FBXL2: variants seen among roughly 807,000 people sequenced by gnomAD.
FBXL2 encodes F-box and leucine rich repeat protein 2, also known as F-box/LRR-repeat protein 2.
A neutral mutation model predicts 69.2 loss-of-function variants in FBXL2; 38 were observed. The observed-to-expected ratio is 0.55, with a 90% CI of 0.42 to 0.72. The LOEUF (loss-of-function observed/expected upper bound fraction) is 0.72, where lower values mean the gene tolerates loss of function less well. FBXL2 is among the 30% of genes least tolerant of loss of function. The pLI is 0.00. For synonymous variants in FBXL2, 192 were observed against 201.3 expected (o/e 0.95, Z 0.39); for missense variants, 354 against 520.3 (o/e 0.68, Z 3.11).
chr3:33,342,960 T>G (rs1255008462), intron 2 of FBXL2, among the ~76,000 whole-genome samples: 1 of 147,762 alleles, frequency 6.8e-6, no homozygotes, highest in Non-Finnish European at 1.5e-5. Flanking sequence ...CAGGATGGTC[T>G]CCATCTCCTG....
intron 2 of FBXL2, among the ~76,000 whole-genome samples, chr3:33,342,448 CAT>C (rs2125860170): frequency 6.6e-6 from 1 of 151,504 alleles, no homozygotes; most frequent in African/African-American, 2.4e-5. Flanking sequence ...TTTTCACTCT[CAT>C]AAGTCATTTT....
intron 1 of FBXL2, chr3:33,289,834 G>C (rs2035043632): frequency 2.1e-6 from 2 of 973,482 alleles, no homozygotes; most frequent in South Asian, 4.8e-5. Flanking sequence ...CAGGGCAGGA[G>C]AGTTAAGAGA....
At chr3:33,335,677 A>G (rs1363251438) in intron 2 of FBXL2, among the ~76,000 whole-genome samples, 1 of 152,254 alleles carries the variant, frequency 6.6e-6, no homozygotes, top group South Asian at 2.1e-4. Flanking sequence ...AATATGCATA[A>G]ATATTTAATT....
intron 11 of FBXL2, among the ~76,000 whole-genome samples, chr3:33,377,569 C>G (rs1033005775): frequency 6.6e-6 from 1 of 152,176 alleles, no homozygotes; most frequent in African/African-American, 2.4e-5. Flanking sequence ...GGACCAGCCT[C>G]CTCCTGGCAG....
chr3:33,360,476 C>T (rs1301156295), intron 4 of FBXL2, among the ~76,000 whole-genome samples: 1 of 152,044 alleles, frequency 6.6e-6, no homozygotes, highest in African/African-American at 2.4e-5. Context: ...AGGGGGAAAC[C>T]CCTTATTTCT....
intron 2 of FBXL2, among the ~76,000 whole-genome samples, chr3:33,343,041 A>G (rs1046618112): frequency 8.6e-5 from 13 of 151,474 alleles, no homozygotes; most frequent in Admixed American, 6.6e-4. Flanking sequence ...TGCCCGGCCA[A>G]CAAATATAAC....
At chr3:33,333,492 T>C (rs535569872) in intron 2 of FBXL2, among the ~76,000 whole-genome samples, 49 of 152,368 alleles carry the variant, frequency 3.2e-4, no homozygotes, top group African/African-American at 1.0e-3. Flanking sequence ...TGAAAGACTT[T>C]TGCTCCCATG....
intron 12 of FBXL2, among the ~76,000 whole-genome samples, chr3:33,395,849 C>CAA (rs1185296193): frequency 1.3e-4 from 14 of 105,890 alleles, no homozygotes; most frequent in African/African-American, 3.9e-4. Context: ...TAAATCTGAC[C>CAA]AAAAAAAAAA....
chr3:33,378,735 A>G lies in FBXL2; in HGVS notation c.945A>G (p.Gln315=), dbSNP rs184294627. The G allele has an allele frequency of 7.4e-6, 12 of 1,614,092 alleles. No individual in the cohort carries two copies. The East Asian group carries it at 2.7e-4, about 36-fold the overall frequency. ...TCTCCATTCACTGTCCTAAACTGCAAGCCCTGGTGAGTCTGAGTTTTTCTG... is the reference window on the plus strand; with the variant it reads ...TCTCCATTCACTGTCCTAAACTGCAGGCCCTGGTGAGTCTGAGTTTTTCTG... ...IQLSIHCPKL[Q]ALSLSHCELI... The change falls in exon 13 of 15, where the codon CAA becomes CAG. Residue 315 remains glutamine, a synonymous_variant. Transcript: ENST00000484457.
In FBXL2 at chr3:33,373,938, T is replaced by A. The variant is rs2042464643; in HGVS notation, c.657+17T>A. 6.2e-7 allele frequency: 1 copy of A among 1,613,066 alleles called. No homozygotes were observed. The highest frequency in any genetic ancestry group is 1.7e-5 in the Admixed American group (1 of 60,022). On this transcript the variant is annotated intron_variant, in intron 9 of 14. Coordinates refer to ENST00000484457, the MANE Select transcript of FBXL2 (RefSeq NM_012157.5). ...TCCTGCTCAGTAAGTAGCGTGCCTTTCCTGAACACTGTTTGCTCTATCTTG... is the reference window on the plus strand; with the variant it reads ...TCCTGCTCAGTAAGTAGCGTGCCTTACCTGAACACTGTTTGCTCTATCTTG...
chr3:33,277,507 T>C lies in FBXL2; in HGVS notation c.-6T>C, dbSNP rs1289384112. 1 of 1,301,652 alleles carries C rather than the reference T, an allele frequency of 7.7e-7. No homozygotes were observed. Among genetic ancestry groups the C allele is most frequent in the Non-Finnish European group, 9.8e-7 (1 of 1,016,102 alleles). The allele number at this position is 1,301,652 out of a possible 1,614,324, so 80.6% of individuals were successfully genotyped here. A position where few individuals can be genotyped will look rare whatever the true frequency, so the allele number is the denominator to read the frequency against. On this transcript the variant is annotated 5_prime_UTR_variant, in exon 1 of 15. Transcript: ENST00000484457. The stretch of plus-strand genomic sequence containing the variant: ...GGGCTGTGGGCTCGCTCGCGGCTCT[T>C]CGGCCATGGTGAGTCTGGGACCCGC...
At chr3:33,315,850 T>A (rs988686034) in intron 2 of FBXL2, among the ~76,000 whole-genome samples, 1 of 152,142 alleles carries the variant, frequency 6.6e-6, no homozygotes, top group Non-Finnish European at 1.5e-5. Context: ...CTTTTAAAAC[T>A]TTGCATGGGA....
intron 2 of FBXL2, among the ~76,000 whole-genome samples, chr3:33,339,274 A>C (rs2039829840): frequency 6.6e-6 from 1 of 152,198 alleles, no homozygotes; most frequent in African/African-American, 2.4e-5. Context: ...AAATTCAAAA[A>C]ACAGATGCTG....
At chr3:33,373,739 T>C in intron 8 of FBXL2, 35 bp downstream of exon 8, 2 of 1,614,128 alleles carry the variant, frequency 1.2e-6, no homozygotes, top group Non-Finnish European at 1.7e-6. Flanking sequence ...TTGTGTTATG[T>C]GTCAGGTGTG....
intron 11 of FBXL2, 123 bp from the exon 12 acceptor site, chr3:33,377,980 G>T: frequency 2.2e-6 from 2 of 905,286 alleles, no homozygotes; most frequent in South Asian, 1.4e-5. Context: ...TTTAGGAAGA[G>T]GGCATACTTC....
chr3:33,395,750 G>GAAA (rs61654235), intron 12 of FBXL2, among the ~76,000 whole-genome samples: 925 of 69,718 alleles, frequency 0.013, 13 homozygotes, highest in Admixed American at 0.029. Flanking sequence ...CAGGAAAATT[G>GAAA]AAAAAAAAAA....
intron 2 of FBXL2, among the ~76,000 whole-genome samples, chr3:33,311,755 G>C (rs555381807): frequency 6.6e-6 from 1 of 152,180 alleles, no homozygotes; most frequent in Non-Finnish European, 1.5e-5. Context: ...CTCCTGAGTA[G>C]CTGGGACTAC....
chr3:33,343,973 GAC>G (rs2040256182), intron 2 of FBXL2, among the ~76,000 whole-genome samples: 1 of 151,692 alleles, frequency 6.6e-6, no homozygotes, highest in Non-Finnish European at 1.5e-5. Flanking sequence ...CATTAATTGA[GAC>G]AATCTGTTCT....
At chr3:33,318,680 G>T (rs1366586780) in intron 2 of FBXL2, among the ~76,000 whole-genome samples, 1 of 152,114 alleles carries the variant, frequency 6.6e-6, no homozygotes, top group Non-Finnish European at 1.5e-5. Context: ...TTCTAAATTA[G>T]TGTAGTTAGA....
Sources: gnomAD v4.1 joint callset for allele counts (sites outside exome capture counted in the v4.1 genomes callset) on GRCh38, gnomAD v4.1.1 for gene constraint, MANE v1.5 for transcripts, NCBI Gene and HGNC (gene_info 2026-07-23, HGNC 2026-07-21) for gene names.